The following CACNA1C variants were observed in gnomAD, a reference collection of about 807,000 sequenced individuals.
CACNA1C encodes the protein calcium voltage-gated channel subunit alpha1 C.
A neutral mutation model predicts 229.0 loss-of-function variants in CACNA1C; 30 were observed. The observed-to-expected ratio is 0.13, with a 90% CI of 0.10 to 0.18. CACNA1C has a LOEUF of 0.18. Ranked by LOEUF, CACNA1C falls within the 10% of genes least tolerant of loss-of-function variation. CACNA1C has a pLI of 1.00. For synonymous variants in CACNA1C, 1,114 were observed against 1,132.5 expected, an observed-to-expected ratio of 0.98 and a Z score of 0.33; for missense variants, 1,658 against 2,845.0, an observed-to-expected ratio of 0.58 and a Z score of 9.49.
chr12:2,021,678 C>T (rs1004803912), intron 1 of CACNA1C, among the ~76,000 whole-genome samples: 1 of 150,890 alleles, frequency 6.6e-6, no homozygotes, highest in African/African-American at 2.4e-5. Context: ...GAAACTCCAT[C>T]TAAAAAAAAA....
At chr12:2,372,119 A>G (rs1159356137) in intron 3 of CACNA1C, among the ~76,000 whole-genome samples, 1 of 152,124 alleles carries the variant, frequency 6.6e-6, no homozygotes, top group Non-Finnish European at 1.5e-5. Context: ...CCCTCGTTAT[A>G]AGAACAGATA....
At chr12:2,010,171 C>T (rs973125250) in intron 1 of CACNA1C, among the ~76,000 whole-genome samples, 1 of 152,156 alleles carries the variant, frequency 6.6e-6, no homozygotes, top group African/African-American at 2.4e-5. Context: ...TATGTTAATT[C>T]CCAGGGCAGC....
At chr12:2,051,297 G>A (rs1210094437), upstream of CACNA1C, among the ~76,000 whole-genome samples, 1 of 152,202 alleles carries the variant, frequency 6.6e-6, no homozygotes, top group Non-Finnish European at 1.5e-5. Flanking sequence ...GGCCCAGCCA[G>A]GAGGCTAGTG....
chr12:2,047,100 C>T (rs762425190), intron 1 of CACNA1C, among the ~76,000 whole-genome samples: 5 of 152,156 alleles, frequency 3.3e-5, no homozygotes, highest in Admixed American at 2.0e-4. Context: ...GGCCAGTGCA[C>T]GGCCTCTGGG....
intron 3 of CACNA1C, among the ~76,000 whole-genome samples, chr12:2,135,771 C>G (rs1327141806): frequency 6.8e-6 from 1 of 146,624 alleles, no homozygotes; most frequent in Non-Finnish European, 1.5e-5. Context: ...TTTGTCTGTG[C>G]CCTGCCCCCA....
Position 2,493,480 on chromosome 12 carries a change from G to T in CACNA1C, c.1113+94G>T, listed in dbSNP as rs947807936. On this transcript the variant is annotated intron_variant, in intron 7 of 46. Transcript: ENST00000399655. This position sits in a 1 kb window ranked among gnomAD's most constrained non-coding sequence, Gnocchi z 4.6. ...CTTTCTCCTCCTCCCCATGGTCTTG[G>T]GGTCACATACGCATCTTGATGGAAT... is the stretch of plus-strand genomic sequence containing the variant. 3.9e-5 allele frequency: 36 copies of T among 918,756 alleles called. No individual in the cohort carries two copies. The highest frequency in any genetic ancestry group is 2.2e-4 in the Admixed American group (12 of 53,444). The allele number at this position is 918,756 out of a possible 1,614,324, so 56.9% of individuals were successfully genotyped here. A position where few individuals can be genotyped will look rare whatever the true frequency, so the allele number is the denominator to read the frequency against.
At chr12:2,393,289 G>A (rs897180008) in intron 3 of CACNA1C, among the ~76,000 whole-genome samples, 1 of 152,198 alleles carries the variant, frequency 6.6e-6, no homozygotes, top group Admixed American at 6.5e-5. Context: ...CACCAGCCAA[G>A]CAGAGAAGGG....
intron 3 of CACNA1C, among the ~76,000 whole-genome samples, chr12:2,434,071 G>A (rs146668213): frequency 3.9e-5 from 6 of 152,222 alleles, no homozygotes; most frequent in South Asian, 2.1e-4. Context: ...CAATGGTCCC[G>A]GGGGATGCTG....
chr12:2,149,930 G>A (rs2095083852), intron 3 of CACNA1C, among the ~76,000 whole-genome samples: 1 of 152,194 alleles, frequency 6.6e-6, no homozygotes, highest in Non-Finnish European at 1.5e-5. Context: ...TATGAGTCAA[G>A]ACTGGGCAGG....
intron 3 of CACNA1C, among the ~76,000 whole-genome samples, chr12:2,389,318 G>C (rs910569446): frequency 3.3e-5 from 5 of 152,260 alleles, no homozygotes; most frequent in Admixed American, 1.3e-4. Flanking sequence ...AGAGGTCAGA[G>C]CACACTGTGC....
intron 11 of CACNA1C, among the ~76,000 whole-genome samples, chr12:2,565,327 C>T (rs1042058074): frequency 2.0e-5 from 3 of 151,628 alleles, no homozygotes; most frequent in East Asian, 1.9e-4. Context: ...ATTAGCCGGG[C>T]GCGGTGGCGG....
intron 5 of CACNA1C, among the ~76,000 whole-genome samples, chr12:2,464,136 T>C (rs1386571316): frequency 6.6e-6 from 1 of 152,070 alleles, no homozygotes; most frequent in Non-Finnish European, 1.5e-5. Context: ...GTAGGGTCTT[T>C]GACGAAAACT....
At chr12:2,640,974 A>T (rs1217339289) in intron 30 of CACNA1C, among the ~76,000 whole-genome samples, 2 of 152,208 alleles carry the variant, frequency 1.3e-5, no homozygotes, top group African/African-American at 2.4e-5. Context: ...TGCGTTGGAC[A>T]GTGGGCCTGG....
chr12:2,041,267 A>ATTATTT (rs2050023838), intron 1 of CACNA1C, among the ~76,000 whole-genome samples: 14 of 99,392 alleles, frequency 1.4e-4, no homozygotes, highest in African/African-American at 6.8e-4. Flanking sequence ...TGCTAAGGGT[A>ATTATTT]TTCTTTTTTT....
chr12:2,380,894 C>T (rs2098224908), intron 3 of CACNA1C, among the ~76,000 whole-genome samples: 1 of 152,166 alleles, frequency 6.6e-6, no homozygotes, highest in African/African-American at 2.4e-5. Context: ...GGCAGAGGCA[C>T]ATCACCAAGG....
chr12:2,462,249 G>A (rs1056050984), intron 5 of CACNA1C, among the ~76,000 whole-genome samples: 3 of 149,508 alleles, frequency 2.0e-5, no homozygotes, highest in African/African-American at 2.5e-5. Context: ...CCCCCACCTC[G>A]GCTCAGCTCT....
intron 3 of CACNA1C, among the ~76,000 whole-genome samples, chr12:2,368,008 T>A (rs1464535306): frequency 6.6e-6 from 1 of 152,144 alleles, no homozygotes; most frequent in Non-Finnish European, 1.5e-5. Context: ...GATTCACAGT[T>A]AGGTAAGACA....
At chr12:2,313,573 G>A (rs753907204) in intron 3 of CACNA1C, among the ~76,000 whole-genome samples, 26 of 152,184 alleles carry the variant, frequency 1.7e-4, no homozygotes, top group Non-Finnish European at 2.4e-4. Context: ...TGACAGTTTG[G>A]GACAACATTT....
intron 4 of CACNA1C, among the ~76,000 whole-genome samples, chr12:2,450,293 A>T (rs11062234): frequency 6.6e-6 from 1 of 152,060 alleles, no homozygotes; most frequent in South Asian, 2.1e-4. Context: ...GGTGGCTCAC[A>T]CCTGTAATCC....
Sources: gnomAD v4.1 joint callset for allele counts (sites outside exome capture counted in the v4.1 genomes callset) on GRCh38, gnomAD v4.1.1 for gene constraint, Gnocchi (gnomAD v3.1) non-coding constraint, MANE v1.5 for transcripts, NCBI Gene and HGNC (gene_info 2026-07-23, HGNC 2026-07-21) for gene names.